DLAT: variants seen among roughly 807,000 people sequenced by gnomAD.
DLAT encodes dihydrolipoyllysine-residue acetyltransferase component of pyruvate dehydrogenase complex, mitochondrial.
DLAT carries 43 observed loss-of-function variants against 68.0 expected under a neutral mutation model. That is an observed-to-expected ratio of 0.63 (90% CI 0.50 to 0.81). The LOEUF (loss-of-function observed/expected upper bound fraction) is 0.81. Among genes scored for constraint, DLAT ranks in the 40% least tolerant of loss-of-function variants. The pLI is 0.00. For missense variants in DLAT, 745 were observed against 815.4 expected (o/e 0.91, Z 1.05); for synonymous variants, 265 against 288.6 (o/e 0.92, Z 0.83).
chr11:112,040,568 C>G (rs1862999978), intron 7 of DLAT, among the ~76,000 whole-genome samples: 1 of 152,046 alleles, frequency 6.6e-6, no homozygotes. Context: ...GGTGGTTATC[C>G]CGTATCTGCA....
At chr11:112,060,362 A>G (rs1276936430) in intron 12 of DLAT, among the ~76,000 whole-genome samples, 1 of 151,388 alleles carries the variant, frequency 6.6e-6, no homozygotes, top group Non-Finnish European at 1.5e-5. Context: ...GGTTTTCACC[A>G]TGTTGGCCAG....
chr11:112,061,943 A>G (rs1262246753), intron 13 of DLAT, among the ~76,000 whole-genome samples: 3 of 152,174 alleles, frequency 2.0e-5, no homozygotes, highest in African/African-American at 7.2e-5. Context: ...ATAAAATTAT[A>G]TATATATAAA....
chr11:112,042,907 A>T (rs1863117879), intron 7 of DLAT, among the ~76,000 whole-genome samples: 2 of 152,162 alleles, frequency 1.3e-5, no homozygotes, highest in African/African-American at 4.8e-5. Flanking sequence ...TGCAGTAAAG[A>T]GTTATTCGTG....
At chr11:112,039,194 C>T (rs1862927538) in intron 6 of DLAT, 50 bp from the exon 7 acceptor site, 1 of 1,582,698 alleles carries the variant, frequency 6.3e-7, no homozygotes. Flanking sequence ...ATCTTTCAGA[C>T]CAGTCTTTGA....
chr11:112,057,385 T>C (rs1335789885), intron 11 of DLAT, among the ~76,000 whole-genome samples: 1 of 152,206 alleles, frequency 6.6e-6, no homozygotes, highest in African/African-American at 2.4e-5. Context: ...GTAAGGCATG[T>C]CAAAAGCCAA....
chr11:112,045,295 C>T (rs892824805), intron 9 of DLAT, 65 bp downstream of exon 9: 1 of 1,326,516 alleles, frequency 7.5e-7, no homozygotes. Flanking sequence ...TAGTTGCTTC[C>T]ATAGTTTTTA....
At chr11:112,034,378 A>T (rs587748128) in intron 5 of DLAT, among the ~76,000 whole-genome samples, 41 of 152,204 alleles carry the variant, frequency 2.7e-4, no homozygotes, top group African/African-American at 9.6e-4. Flanking sequence ...ATATGTCCAC[A>T]TATCTCCTTC....
chr11:112,039,550 T>C (rs1862948497), intron 7 of DLAT, among the ~76,000 whole-genome samples, 153 bp downstream of exon 7: 7 of 152,224 alleles, frequency 4.6e-5, no homozygotes, highest in Admixed American at 4.6e-4. Flanking sequence ...GAAATAGTTC[T>C]TTTGTTGCCA....
At position 112,039,229 on chromosome 11, in the gene DLAT, AT is replaced by A. The variant is rs782800078; in HGVS notation, c.976-7del. The stretch of plus-strand genomic sequence containing the variant: ...AAGTGGTGAATTAAAACAATTTGTA[AT>A]TTTTTTTCAAAAGGTGGCCGCTGTT... On this transcript the variant is annotated splice_polypyrimidine_tract_variant and intron_variant, in intron 6 of 13. Transcript: ENST00000280346. 6.2e-6 allele frequency: 10 copies of A among 1,613,192 alleles called. No homozygotes were observed. The highest frequency in any genetic ancestry group is 2.7e-5 in the African/African-American group (2 of 74,938).
At chr11:112,025,849 C>A in intron 1 of DLAT, 98 bp downstream of exon 1, 1 of 1,464,200 alleles carries the variant, frequency 6.8e-7, no homozygotes, top group Non-Finnish European at 9.3e-7. Flanking sequence ...ATCCTCCACC[C>A]ATTCCCAGTA....
At chr11:112,059,831 A>T in intron 11 of DLAT, 72 bp from the exon 12 acceptor site, 1 of 1,343,080 alleles carries the variant, frequency 7.4e-7, no homozygotes, top group African/African-American at 1.5e-5. Flanking sequence ...AAATATAAAT[A>T]TTCTTGCTTA....
chr11:112,054,275 G>A (rs782355904), intron 11 of DLAT, among the ~76,000 whole-genome samples: 3 of 152,004 alleles, frequency 2.0e-5, no homozygotes, highest in Non-Finnish European at 2.9e-5. Flanking sequence ...GGGATTGCAC[G>A]CGCCACTGCA....
rs879991742 is a variant in DLAT at position 112,051,972 on chromosome 11, A to G, written c.1514+623A>G. Among the ~76,000 whole-genome samples the G allele has an allele frequency of 4.6e-5, 7 of 152,150 alleles. No homozygotes were observed. Among genetic ancestry groups the G allele is most frequent in the Non-Finnish European group, 7.4e-5 (5 of 68,024 alleles). ...ATTCTCATGACTATCTTATGATTTA[A>G]GTGCTTTCACTTCCATTTCTAGATA... On this transcript the variant is annotated intron_variant, in intron 11 of 13. Transcript: ENST00000280346. This position sits in a 1 kb window ranked among gnomAD's most constrained non-coding sequence, Gnocchi z 4.3.
intron 11 of DLAT, among the ~76,000 whole-genome samples, chr11:112,055,110 A>C (rs1261877569): frequency 6.6e-6 from 1 of 152,172 alleles, no homozygotes; most frequent in Non-Finnish European, 1.5e-5. Flanking sequence ...TCATCCCACT[A>C]AACAGACTTT....
chr11:112,029,203 G>C (rs1434772952), intron 4 of DLAT, among the ~76,000 whole-genome samples: 1 of 152,182 alleles, frequency 6.6e-6, no homozygotes, highest in East Asian at 1.9e-4. Flanking sequence ...TTTCATTCAA[G>C]AACATTACAT....
rs968417930 is a variant in DLAT at position 112,053,340 on chromosome 11, A to G, written c.1514+1991A>G. On this transcript the variant is annotated intron_variant, in intron 11 of 13. Coordinates refer to ENST00000280346, the MANE Select transcript of DLAT (RefSeq NM_001931.5). The stretch of plus-strand genomic sequence containing the variant: ...TCTGTCTCAAAAAAATATTTTCCTA[A>G]TAAATATTAAATTTAGGTTAGAATA... Among the ~76,000 whole-genome samples, 10 of 152,144 alleles carry G rather than the reference A, an allele frequency of 6.6e-5. No individual in the cohort carries two copies. In the South Asian group the frequency reaches 2.1e-3, roughly 31 times the overall value.
At chr11:112,054,787 A>G (rs1392641287) in intron 11 of DLAT, among the ~76,000 whole-genome samples, 1 of 152,214 alleles carries the variant, frequency 6.6e-6, no homozygotes, top group African/African-American at 2.4e-5. Flanking sequence ...AGCAGGGGCA[A>G]TGCGTTCCCT....
In DLAT at chr11:112,059,682, C is replaced by T. The variant is rs1004719375; in HGVS notation, c.1515-221C>T. ...TGTTGGGATTACAGGCATGAGCCAC[C>T]GTTCCCGGACCTCTCTTTGATTTTT... is the stretch of plus-strand genomic sequence containing the variant. On this transcript the variant is annotated intron_variant, in intron 11 of 13. Transcript: ENST00000280346. Among the ~76,000 whole-genome samples the T allele has an allele frequency of 5.9e-5, 9 of 152,138 alleles. No individual in the cohort carries two copies. The South Asian group carries it at 1.2e-3, about 21-fold the overall frequency.
At chr11:112,036,251 T>C (rs1379402829) in intron 5 of DLAT, among the ~76,000 whole-genome samples, 1 of 133,730 alleles carries the variant, frequency 7.5e-6, no homozygotes, top group Admixed American at 8.1e-5. Context: ...TTCGCTCTTG[T>C]TGCCCAGGCT....
Sources: gnomAD v4.1 joint callset for allele counts (sites outside exome capture counted in the v4.1 genomes callset) on GRCh38, gnomAD v4.1.1 for gene constraint, Gnocchi (gnomAD v3.1) non-coding constraint, MANE v1.5 for transcripts, NCBI Gene and HGNC (gene_info 2026-07-23, HGNC 2026-07-21) for gene names.